FBXW8: variants seen among roughly 807,000 people sequenced by gnomAD.
FBXW8 encodes the protein F-box/WD repeat-containing protein 8.
FBXW8 carries 57 observed loss-of-function variants against 65.3 expected under a neutral mutation model. The observed-to-expected ratio is 0.87, with a 90% CI of 0.71 to 1.09. FBXW8 has a LOEUF of 1.09. Among genes scored for constraint, FBXW8 ranks in the 50% least tolerant of loss-of-function variants. FBXW8 has a pLI of 0.00. For synonymous variants in FBXW8, 308 were observed against 330.2 expected (o/e 0.93, Z 0.73); for missense variants, 777 against 814.8 (o/e 0.95, Z 0.57).
intron 5 of FBXW8, chr12:116,977,690 G>A (rs1318776965): frequency 6.6e-6 from 1 of 152,206 alleles, no homozygotes; most frequent in African/African-American, 2.4e-5. Context: ...GCCTCAGTCT[G>A]AGGCTGCATG....
In FBXW8 at chr12:116,985,315, C is replaced by T. The variant is rs1885597381; in HGVS notation, c.945C>T (p.Ala315=). The change falls in exon 6 of 11, where the codon GCC becomes GCT. Residue 315 remains alanine (A), a synonymous_variant. Transcript: ENST00000652555. ...TCAGCCAGGACGATGCAACCGTGGC[C>T]ACAGCTTCTGCTTTTGATGTCGTGA... ...LALSQDDATV[A]TASAFDVVML... is the part of the protein sequence containing the mutation. 1.2e-6 allele frequency: 2 copies of T among 1,614,190 alleles called. No homozygotes were observed. The highest frequency in any genetic ancestry group is 1.6e-4 in the Middle Eastern group (1 of 6,062).
At chr12:116,949,507 G>A (rs1883132580) in intron 3 of FBXW8, 111 bp from the exon 4 acceptor site, 1 of 881,448 alleles carries the variant, frequency 1.1e-6, no homozygotes, top group African/African-American at 1.6e-5. Context: ...GAATGCACTT[G>A]TTGTCCATGC....
chr12:117,028,410 C>T lies in FBXW8; in HGVS notation c.*238C>T, dbSNP rs1320856032. 7.2e-6 allele frequency: 4 copies of T among 555,040 alleles called. No homozygotes were observed. Among genetic ancestry groups the T allele is most frequent in the African/African-American group, 1.9e-5 (1 of 52,776 alleles). The allele number at this position is 555,040 out of a possible 1,614,324, so 34.4% of individuals were successfully genotyped here. On this transcript the variant is annotated 3_prime_UTR_variant, in exon 11 of 11. Transcript: ENST00000652555. This position sits in a 1 kb window ranked among gnomAD's most constrained non-coding sequence, Gnocchi z 4.1. ...CCAACTCAAACATAGCCTCCTTCCC[C>T]ACCCAGCTGGCCACCCTGGCCTCAG...
At chr12:116,931,472 G>T (rs1881767039) in intron 2 of FBXW8, among the ~76,000 whole-genome samples, 1 of 152,022 alleles carries the variant, frequency 6.6e-6, no homozygotes, top group South Asian at 2.1e-4. Flanking sequence ...GAGTAGTATG[G>T]ACATTTTGAT....
intron 2 of FBXW8, among the ~76,000 whole-genome samples, chr12:116,939,079 G>A (rs1224917148): frequency 6.6e-6 from 1 of 152,204 alleles, no homozygotes; most frequent in Non-Finnish European, 1.5e-5. Flanking sequence ...GTTCTCTAAA[G>A]TGACTTCTGC....
chr12:116,949,336 T>G (rs11068258), intron 3 of FBXW8: 10,947 of 424,556 alleles, frequency 0.026, 682 homozygotes, highest in East Asian at 0.21. Context: ...GGTGAGCACA[T>G]ATTTGCTTTC....
Position 116,938,914 on chromosome 12 carries a change from C to T in FBXW8, c.424-6450C>T, listed in dbSNP as rs528709483. Among the ~76,000 whole-genome samples the T allele has an allele frequency of 5.3e-5, 8 of 152,334 alleles. No individual in the cohort carries two copies. In the South Asian group the frequency reaches 1.2e-3, roughly 24 times the overall value. The stretch of plus-strand genomic sequence containing the variant: ...TTCCTCAGCCATGGAGAAGTAGCCC[C>T]AGTCTGGGTGCATCCATGGGATCTC... On this transcript the variant is annotated intron_variant, in intron 2 of 10. Transcript: ENST00000652555.
intron 1 of FBXW8, 135 bp downstream of exon 1, chr12:116,911,490 G>T (rs1879940902): frequency 3.5e-6 from 2 of 569,574 alleles, no homozygotes; most frequent in Non-Finnish European, 5.2e-6. Context: ...AAACACCAAT[G>T]TTTGTGCTTG....
At chr12:116,970,953 A>G (rs1158649827) in intron 5 of FBXW8, among the ~76,000 whole-genome samples, 1 of 152,234 alleles carries the variant, frequency 6.6e-6, no homozygotes, top group East Asian at 1.9e-4. Flanking sequence ...AAACAGAATG[A>G]GACAACTTTC....
At chr12:116,963,137 T>C (rs895511543) in intron 4 of FBXW8, among the ~76,000 whole-genome samples, 44 of 152,202 alleles carry the variant, frequency 2.9e-4, no homozygotes, top group African/African-American at 8.7e-4. Context: ...TTATCCCACA[T>C]GCGCACTCTC....
At chr12:116,913,096 A>G (rs1880124147) in intron 1 of FBXW8, among the ~76,000 whole-genome samples, 1 of 152,182 alleles carries the variant, frequency 6.6e-6, no homozygotes. Context: ...GCTTGGTTAT[A>G]ATATAGGTTC....
At chr12:116,984,675 G>T (rs1413675506) in intron 5 of FBXW8, among the ~76,000 whole-genome samples, 1 of 152,160 alleles carries the variant, frequency 6.6e-6, no homozygotes. Context: ...CCAAAACTTT[G>T]CTTCATGCAC....
intron 4 of FBXW8, among the ~76,000 whole-genome samples, chr12:116,955,601 T>G (rs1883591639): frequency 6.6e-6 from 1 of 152,240 alleles, no homozygotes; most frequent in African/African-American, 2.4e-5. Flanking sequence ...TTTTGTTTGT[T>G]TCTTTGATTT....
intron 5 of FBXW8, among the ~76,000 whole-genome samples, chr12:116,979,789 A>AC (rs1592916661): frequency 1.3e-5 from 2 of 151,840 alleles, no homozygotes; most frequent in African/African-American, 2.4e-5. Context: ...AAAAAAAAAA[A>AC]AAAAAAACAC....
intron 8 of FBXW8, 110 bp from the exon 9 acceptor site, chr12:117,024,037 T>C: frequency 8.8e-7 from 1 of 1,139,802 alleles, no homozygotes; most frequent in Non-Finnish European, 1.2e-6. Flanking sequence ...AGCTGAGGAG[T>C]TTTTCATAGC....
rs1954290010 is a variant in FBXW8, at chr12:117,028,413, C to T, written c.*241C>T. ...ACTCAAACATAGCCTCCTTCCCCACCCAGCTGGCCACCCTGGCCTCAGCTC... is the reference window on the plus strand; with the variant it reads ...ACTCAAACATAGCCTCCTTCCCCACTCAGCTGGCCACCCTGGCCTCAGCTC... On this transcript the variant is annotated 3_prime_UTR_variant, in exon 11 of 11. Transcript: ENST00000652555. This position sits in a 1 kb window ranked among gnomAD's most constrained non-coding sequence, Gnocchi z 4.1. 5 of 549,372 alleles carry T rather than the reference C, an allele frequency of 9.1e-6. No individual in the cohort carries two copies. Among genetic ancestry groups the T allele is most frequent in the Non-Finnish European group, 1.3e-5 (4 of 308,102 alleles). 34.0% of individuals were successfully genotyped at this position (549,372 alleles called of 1,614,324 possible).
intron 9 of FBXW8, 79 bp from the exon 10 acceptor site, chr12:117,027,315 C>A: frequency 1.9e-6 from 2 of 1,064,664 alleles, no homozygotes; most frequent in Non-Finnish European, 2.9e-6. Context: ...TCCCCTGCAG[C>A]TCTGAACTCC....
intron 3 of FBXW8, among the ~76,000 whole-genome samples, chr12:116,948,102 AAG>A (rs1883050369): frequency 6.6e-6 from 1 of 152,238 alleles, no homozygotes; most frequent in South Asian, 2.1e-4. Context: ...TACCTCCACA[AAG>A]AGAATGGCCT....
At chr12:116,924,290 T>C (rs1881155129) in intron 1 of FBXW8, among the ~76,000 whole-genome samples, 1 of 151,892 alleles carries the variant, frequency 6.6e-6, no homozygotes. Context: ...AGCATCTTTA[T>C]TTATTTATTT....
Sources: gnomAD v4.1 joint callset for allele counts (sites outside exome capture counted in the v4.1 genomes callset) on GRCh38, gnomAD v4.1.1 for gene constraint, Gnocchi (gnomAD v3.1) non-coding constraint, MANE v1.5 for transcripts, NCBI Gene and HGNC (gene_info 2026-07-23, HGNC 2026-07-21) for gene names.